GABRA2: variants seen among roughly 807,000 people sequenced by gnomAD.
GABRA2 encodes the protein gamma-aminobutyric acid type A receptor subunit alpha2, also known as gamma-aminobutyric acid receptor subunit alpha-2.
A neutral mutation model predicts 48.7 loss-of-function variants in GABRA2; 16 were observed. The observed-to-expected ratio is 0.33, with a 90% confidence interval of 0.22 to 0.50. The LOEUF is 0.50. Among genes scored for constraint, GABRA2 ranks in the 20% least tolerant of loss-of-function variants. The pLI, the probability that GABRA2 is intolerant of heterozygous loss-of-function variation, is 0.98. For missense variants in GABRA2, 275 were observed against 535.6 expected, an observed-to-expected ratio of 0.51 and a Z score of 4.80; for synonymous variants, 185 against 184.5, an observed-to-expected ratio of 1.00 and a Z score of -0.02.
At position 46,297,476 on chromosome 4, in the gene GABRA2, C is replaced by CATATATATATATAT. The variant is rs56201706; in HGVS notation, c.856+5970_856+5983dup. ...GAGTTAATACTACTTAATAAAATCC[C>CATATATATATATAT]ATATATATATATATATATATATATA... On this transcript the variant is annotated intron_variant, in intron 8 of 9. Coordinates refer to ENST00000381620, the MANE Select transcript of GABRA2 (RefSeq NM_000807.4). Among the ~76,000 whole-genome samples, 729 of 87,544 alleles carry CATATATATATATAT rather than the reference C, an allele frequency of 8.3e-3. 29 individuals are homozygous for CATATATATATATAT. The highest frequency in any genetic ancestry group is 0.011 in the Non-Finnish European group (478 of 45,226). 57.4% of individuals were successfully genotyped at this position (87,544 alleles called of 152,430 possible).
intron 3 of GABRA2, among the ~76,000 whole-genome samples, chr4:46,341,881 T>C (rs1733303873): frequency 6.6e-6 from 1 of 152,060 alleles, no homozygotes; most frequent in Non-Finnish European, 1.5e-5. Context: ...TTAAAATTAC[T>C]GTGACATTAA....
chr4:46,290,900 C>T (rs1723495359), intron 8 of GABRA2, among the ~76,000 whole-genome samples: 1 of 152,020 alleles, frequency 6.6e-6, no homozygotes, highest in Non-Finnish European at 1.5e-5. Context: ...ATATTGATTG[C>T]CTTTCTTATG....
intron 3 of GABRA2, among the ~76,000 whole-genome samples, chr4:46,385,196 C>A (rs1717283760): frequency 6.6e-6 from 1 of 151,152 alleles, no homozygotes; most frequent in Non-Finnish European, 1.5e-5. Flanking sequence ...AGCAACTTAG[C>A]ATTGCAAAGT....
intron 3 of GABRA2, among the ~76,000 whole-genome samples, chr4:46,339,786 C>A (rs997356174): frequency 1.3e-5 from 2 of 151,766 alleles, no homozygotes; most frequent in African/African-American, 2.4e-5. Context: ...CCACAAATTT[C>A]AGTTTTTGGT....
At chr4:46,270,877 T>C (rs1263160356) in intron 8 of GABRA2, among the ~76,000 whole-genome samples, 1 of 151,874 alleles carries the variant, frequency 6.6e-6, no homozygotes, top group Non-Finnish European at 1.5e-5. Context: ...ACATAGAGAC[T>C]GACACTGCTG....
rs143455179 is a variant in GABRA2, at chr4:46,306,225, T to C, written c.560-514A>G. Among the ~76,000 whole-genome samples the C allele has an allele frequency of 8.7e-3, 1,320 of 152,308 alleles. 22 individuals carry two copies. Among genetic ancestry groups the C allele is most frequent in the African/African-American group, 0.031 (1,279 of 41,566 alleles). ...AGTAATTATTATAGAACATATAAGA[T>C]AAATAATAACGCTATACTTGCATCA... On this transcript the variant is annotated intron_variant, in intron 6 of 9. Coordinates refer to ENST00000381620, the MANE Select transcript of GABRA2 (RefSeq NM_000807.4).
intron 3 of GABRA2, chr4:46,368,020 A>ACATCT (rs1714309880): frequency 6.6e-6 from 1 of 152,068 alleles, no homozygotes; most frequent in Non-Finnish European, 1.5e-5. Flanking sequence ...ACACCTAGCC[A>ACATCT]CATCTTTCCC....
intron 9 of GABRA2, among the ~76,000 whole-genome samples, chr4:46,260,300 C>G (rs1316806190): frequency 6.6e-6 from 1 of 151,788 alleles, no homozygotes; most frequent in Non-Finnish European, 1.5e-5. Flanking sequence ...TAGGTTGGAA[C>G]CTCAGTGATT....
chr4:46,354,049 C>T (rs1214314099), intron 3 of GABRA2, among the ~76,000 whole-genome samples: 2 of 152,088 alleles, frequency 1.3e-5, no homozygotes, highest in Non-Finnish European at 2.9e-5. Context: ...AAAATAGTGT[C>T]CTTTACTGAC....
At chr4:46,359,923 C>A (rs201417699) in intron 3 of GABRA2, among the ~76,000 whole-genome samples, 70 of 144,304 alleles carry the variant, frequency 4.9e-4, no homozygotes, top group Middle Eastern at 3.6e-3. Flanking sequence ...TCTCAAAAAA[C>A]AAAAAAAAAA....
intron 3 of GABRA2, among the ~76,000 whole-genome samples, chr4:46,384,092 G>T (rs1030565491): frequency 6.6e-6 from 1 of 152,128 alleles, no homozygotes; most frequent in Non-Finnish European, 1.5e-5. Context: ...CAGAAACAGA[G>T]GTGATATGGC....
intron 9 of GABRA2, 24 bp from the exon 10 acceptor site, chr4:46,250,628 CAG>C (rs1560426608): frequency 7.7e-6 from 12 of 1,555,392 alleles, no homozygotes; most frequent in Middle Eastern, 1.7e-4. Context: ...CAAAAATTAA[CAG>C]AGTGTGGGTT....
At chr4:46,375,554 T>G (rs567707451) in intron 3 of GABRA2, among the ~76,000 whole-genome samples, 1 of 152,286 alleles carries the variant, frequency 6.6e-6, no homozygotes, top group South Asian at 2.1e-4. Flanking sequence ...TTAAACACCC[T>G]CGACATCCCT....
chr4:46,372,139 A>G (rs79373298), intron 3 of GABRA2, among the ~76,000 whole-genome samples: 2 of 152,354 alleles, frequency 1.3e-5, no homozygotes, highest in Non-Finnish European at 2.9e-5. Flanking sequence ...TAACTTTTCT[A>G]TTAGAGAGTT....
chr4:46,381,070 A>G (rs938232477), intron 3 of GABRA2, among the ~76,000 whole-genome samples: 1 of 152,208 alleles, frequency 6.6e-6, no homozygotes, highest in Non-Finnish European at 1.5e-5. Flanking sequence ...ACAGCTTTTC[A>G]AAATGCAGTT....
Position 46,248,741 on chromosome 4 carries a change from C to A in GABRA2, c.*1567G>T, listed in dbSNP as rs982216021. 1 of 151,346 alleles carries A rather than the reference C, an allele frequency of 6.6e-6. No individual in the cohort carries two copies. Among genetic ancestry groups the A allele is most frequent in the Non-Finnish European group, 1.5e-5 (1 of 67,656 alleles). 9.4% of individuals were successfully genotyped at this position (151,346 alleles called of 1,614,324 possible). On this transcript the variant is annotated 3_prime_UTR_variant, in exon 10 of 10. Transcript: ENST00000381620. ...TTATGCACTATACTCAAATACTGTACAAAACTGCAATAAATGTTACTATTT... is the reference window on the plus strand; with the variant it reads ...TTATGCACTATACTCAAATACTGTAAAAAACTGCAATAAATGTTACTATTT...
chr4:46,312,392 A>G, intron 5 of GABRA2, 104 bp downstream of exon 5: 1 of 717,794 alleles, frequency 1.4e-6, no homozygotes, highest in Non-Finnish European at 2.4e-6. Flanking sequence ...AATCTGTTAG[A>G]AAACACTCAA....
intron 8 of GABRA2, among the ~76,000 whole-genome samples, chr4:46,294,883 G>A (rs1174563092): frequency 6.6e-6 from 1 of 152,096 alleles, no homozygotes; most frequent in Non-Finnish European, 1.5e-5. Flanking sequence ...ACCATAAACT[G>A]GGTCATGCAC....
chr4:46,289,905 T>C (rs1317750196), intron 8 of GABRA2, among the ~76,000 whole-genome samples: 1 of 146,456 alleles, frequency 6.8e-6, no homozygotes, highest in Non-Finnish European at 1.5e-5. Flanking sequence ...ATTTATTTAT[T>C]TATTTTTATT....
Sources: gnomAD v4.1 joint callset for allele counts (sites outside exome capture counted in the v4.1 genomes callset) on GRCh38, gnomAD v4.1.1 for gene constraint, MANE v1.5 for transcripts, NCBI Gene and HGNC (gene_info 2026-07-23, HGNC 2026-07-21) for gene names.